CFAP410: variants seen among roughly 807,000 people sequenced by gnomAD.
CFAP410 encodes cilia- and flagella-associated protein 410.
In CFAP410, 27 loss-of-function variants were observed where a neutral mutation model predicts 25.7. The observed-to-expected ratio is 1.05, with a 90% confidence interval of 0.77 to 1.45. The LOEUF is 1.45. CFAP410 is among the 40% of genes most tolerant of loss of function. The probability of loss-of-function intolerance (pLI) is 0.00; values close to 1 mark genes in which losing one functional copy is unlikely to be tolerated. For missense variants in CFAP410, 428 were observed against 354.1 expected, an observed-to-expected ratio of 1.21 and a Z score of -1.67; for synonymous variants, 178 against 158.4, an observed-to-expected ratio of 1.12 and a Z score of -0.93.
chr21:44,335,999 C>T (rs1475596167), intron 2 of CFAP410, 195 bp from the exon 3 acceptor site: 1 of 513,836 alleles, frequency 1.9e-6, no homozygotes. Flanking sequence ...CCAGTGTGCC[C>T]AGGGTGAATG....
At chr21:44,332,703 A>G (rs1476265567) in intron 4 of CFAP410, 3 of 349,132 alleles carry the variant, frequency 8.6e-6, no homozygotes, top group East Asian at 9.3e-5. Flanking sequence ...CCCGCTCGCC[A>G]TGGCGCATGG....
At position 44,337,771 on chromosome 21, in the gene CFAP410, A is replaced by T. The variant is rs547426925; in HGVS notation, c.78-104T>A. ...CCGATGACTCCCTACAAACCTTAAG[A>T]TTCTAGGATTTTAATGGCATGGCAA... On this transcript the variant is annotated intron_variant, in intron 1 of 6. Coordinates refer to ENST00000339818, the MANE Select transcript of CFAP410 (RefSeq NM_004928.3). The T allele has an allele frequency of 5.4e-6, 5 of 917,884 alleles. No individual in the cohort carries two copies. The African/African-American group carries it at 8.4e-5, about 15-fold the overall frequency. 56.9% of individuals were successfully genotyped at this position (917,884 alleles called of 1,614,324 possible). A position where few individuals can be genotyped will look rare whatever the true frequency, so the allele number is the denominator to read the frequency against.
intron 1 of CFAP410, chr21:44,338,522 A>G: frequency 3.2e-6 from 1 of 310,242 alleles, no homozygotes; most frequent in Non-Finnish European, 6.6e-6. Flanking sequence ...CGCCCCCAGT[A>G]CTGATTACCA....
Position 44,333,274 on chromosome 21 carries a change from C to T in CFAP410, c.144-12G>A. 6.2e-7 allele frequency: 1 copy of T among 1,600,540 alleles called. No homozygotes were observed. Among genetic ancestry groups the T allele is most frequent in the Non-Finnish European group, 8.5e-7 (1 of 1,172,304 alleles). On this transcript the variant is annotated splice_polypyrimidine_tract_variant and intron_variant, in intron 3 of 6. Coordinates refer to ENST00000339818, the MANE Select transcript of CFAP410 (RefSeq NM_004928.3). Reference sequence around the variant, plus strand: ...AGATGCTGTTGACACTGCACGGAGACCAGCACAGTCAGCGAGGGACGTGGC... The same window carrying T: ...AGATGCTGTTGACACTGCACGGAGATCAGCACAGTCAGCGAGGGACGTGGC...
chr21:44,336,027 G>A (rs1334931579), intron 2 of CFAP410, among the ~76,000 whole-genome samples: 2 of 81,480 alleles, frequency 2.5e-5, no homozygotes, highest in African/African-American at 9.9e-5. Flanking sequence ...CCTGAGGGGA[G>A]CGGCCCTGCT....
chr21:44,330,232 A>C lies in CFAP410; in HGVS notation c.737T>G (p.Leu246Arg). Residue 246 changes from leucine to arginine, a missense_variant, in exon 7 of 7, where the codon CTG (leucine) becomes CGG (arginine). Physicochemically the swap from Leu to Arg is moderately radical, Grantham distance 102 (BLOSUM62 -2). Coordinates refer to ENST00000339818, the MANE Select transcript of CFAP410 (RefSeq NM_004928.3). ...QQTVGSRLQALRGEEVQEHAE is the reference protein window; with the variant it reads ...QQTVGSRLQARRGEEVQEHAE Reference sequence around the variant, plus strand: ...GTGCTCCTGCACCTCTTCCCCACGCAGGGCCTGCAGCCGGCTGCCCACAGT... The same window carrying C: ...GTGCTCCTGCACCTCTTCCCCACGCCGGGCCTGCAGCCGGCTGCCCACAGT... 1 of 1,588,070 alleles carries C rather than the reference A, an allele frequency of 6.3e-7. No homozygotes were observed. The highest frequency in any genetic ancestry group is 8.5e-7 in the Non-Finnish European group (1 of 1,169,836).
intron 4 of CFAP410, 112 bp downstream of exon 4, chr21:44,332,921 A>G (rs943025693): frequency 5.4e-6 from 4 of 740,612 alleles, no homozygotes; most frequent in South Asian, 1.7e-5. Context: ...GGACACATCT[A>G]TGTCCCGCCA....
chr21:44,329,856 C>T lies in CFAP410; in HGVS notation c.*342G>A. On this transcript the variant is annotated 3_prime_UTR_variant, in exon 7 of 7. Coordinates refer to ENST00000339818, the MANE Select transcript of CFAP410 (RefSeq NM_004928.3). ...CGGCCCTTGCTTTCAGGAAGACTGT[C>T]ACAACCATGCCTTGGGAAACGTCAC... 3.9e-6 allele frequency: 1 copy of T among 255,902 alleles called. No homozygotes were observed. The highest frequency in any genetic ancestry group is 7.5e-6 in the Non-Finnish European group (1 of 133,418). 15.9% of individuals were successfully genotyped at this position (255,902 alleles called of 1,614,324 possible).
Position 44,333,121 on chromosome 21 carries a change from G to C in CFAP410, c.285C>G (p.Ala95=). The C allele has an allele frequency of 3.1e-6, 5 of 1,611,194 alleles. No individual in the cohort carries two copies. The highest frequency in any genetic ancestry group is 4.2e-6 in the Non-Finnish European group (5 of 1,179,330). ...GLPRLRVLWL[A]ENPCCGTSPH... ...GGCTGGTGCCGCAGCACGGGTTCTC[G>C]GCCAGCCACAGCACCCGCAGACGCG... Residue 95 remains alanine, a synonymous_variant, in exon 4 of 7, where the codon GCC becomes GCG. Transcript: ENST00000339818.
Position 44,333,931 on chromosome 21 carries a change from G to C in CFAP410, c.144-669C>G, listed in dbSNP as rs375476483. 3.1e-5 allele frequency: 11 copies of C among 360,044 alleles called. No homozygotes were observed. The East Asian group carries it at 5.9e-4, about 19-fold the overall frequency. 22.3% of individuals were successfully genotyped at this position (360,044 alleles called of 1,614,324 possible). ...AGGGCTGCACTCGCGTCCGGCAGGC[G>C]CCTCAGAAGGGCGGTCACCAGGCCC... is the stretch of plus-strand genomic sequence containing the variant. On this transcript the variant is annotated intron_variant, in intron 3 of 6. Transcript: ENST00000339818.
At chr21:44,330,574 C>A (rs753272356) in intron 6 of CFAP410, 18 of 1,549,722 alleles carry the variant, frequency 1.2e-5, no homozygotes, top group Non-Finnish European at 1.6e-5. Context: ...GCCCACATTC[C>A]ACAGACCAGG....
intron 5 of CFAP410, 194 bp downstream of exon 5, chr21:44,331,649 A>G (rs938626484): frequency 3.4e-6 from 2 of 580,936 alleles, no homozygotes; most frequent in Admixed American, 7.4e-5. Context: ...CAAAACATGG[A>G]CCTGCCACTG....
In CFAP410 at chr21:44,334,520, C is replaced by CCCCCTCAACCTCTGGGCGGGCACGCGCA. The variant is rs1555883161; in HGVS notation, c.143+1237_143+1238insTGCGCGTGCCCGCCCAGAGGTTGAGGGG. 255 of 173,284 alleles carry CCCCCTCAACCTCTGGGCGGGCACGCGCA rather than the reference C, an allele frequency of 1.5e-3. 36 individuals are homozygous for CCCCCTCAACCTCTGGGCGGGCACGCGCA. The highest frequency in any genetic ancestry group is 6.2e-3 in the East Asian group (29 of 4,674). 10.7% of individuals were successfully genotyped at this position (173,284 alleles called of 1,614,324 possible). Reference sequence around the variant, plus strand: ...CAACCTCTGGGCGGGCACGCGCACCCCCCCCCCCCCCCCGCTCAACCTCTG... The same window carrying CCCCCTCAACCTCTGGGCGGGCACGCGCA: ...CAACCTCTGGGCGGGCACGCGCACCCCCCCTCAACCTCTGGGCGGGCACGCGCACCCCCCCCCCCCCGCTCAACCTCTG... On this transcript the variant is annotated intron_variant, in intron 3 of 6. Coordinates refer to ENST00000339818, the MANE Select transcript of CFAP410 (RefSeq NM_004928.3).
intron 2 of CFAP410, among the ~76,000 whole-genome samples, 153 bp downstream of exon 2, chr21:44,337,496 C>T (rs1287989497): frequency 2.0e-5 from 3 of 152,204 alleles, no homozygotes; most frequent in Non-Finnish European, 2.9e-5. Context: ...AGAATGAAAA[C>T]CGCTAAGTGA....
In CFAP410 at chr21:44,331,129, G is replaced by C. The variant is rs542277809; in HGVS notation, c.546-210C>G. On this transcript the variant is annotated intron_variant, in intron 5 of 6. Coordinates refer to ENST00000339818, the MANE Select transcript of CFAP410 (RefSeq NM_004928.3). ...AGAGCCCGGCACTTACTTCACCTGT[G>C]GGGCGCCCTCCCGGCACCCTGGGGC... The C allele has an allele frequency of 7.3e-5, 43 of 585,696 alleles. No homozygotes were observed. The South Asian group carries it at 8.6e-4, about 12-fold the overall frequency. 36.3% of individuals were successfully genotyped at this position (585,696 alleles called of 1,614,324 possible). A position where few individuals can be genotyped will look rare whatever the true frequency, so the allele number is the denominator to read the frequency against.
chr21:44,335,757 C>T lies in CFAP410; in HGVS notation c.143+1G>A. ...TGAGCATGACAGCAGGAGCGAGGTA[C>T]CTGAGCGTGATCACCTCCAGGCTGG... On this transcript the variant is annotated splice_donor_variant, in intron 3 of 6. Transcript: ENST00000339818. LOFTEE classifies it high-confidence loss of function. The T allele has an allele frequency of 6.3e-7, 1 of 1,587,862 alleles. No individual in the cohort carries two copies.
chr21:44,338,150 G>T, intron 1 of CFAP410: 1 of 615,060 alleles, frequency 1.6e-6, no homozygotes, highest in Non-Finnish European at 2.3e-6. Context: ...ATTATTGAAA[G>T]CAAATGACAC....
At chr21:44,333,990 C>T (rs944661757) in intron 3 of CFAP410, 9 of 409,148 alleles carry the variant, frequency 2.2e-5, no homozygotes, top group East Asian at 7.2e-5. Flanking sequence ...GCCCCCCTCC[C>T]CATGCCATCC....
chr21:44,330,811 C>T lies in CFAP410; in HGVS notation c.642+12G>A, dbSNP rs952089102. On this transcript the variant is annotated intron_variant, in intron 6 of 6. Transcript: ENST00000339818. Reference sequence around the variant, plus strand: ...CAGAGGCAGCCGCGGCCCCTAGCGGCCCGCCACTCACCCTGCCCCTGTGGC... The same window carrying T: ...CAGAGGCAGCCGCGGCCCCTAGCGGTCCGCCACTCACCCTGCCCCTGTGGC... 1.9e-6 allele frequency: 3 copies of T among 1,586,448 alleles called. No individual in the cohort carries two copies. Among genetic ancestry groups the T allele is most frequent in the East Asian group, 2.3e-5 (1 of 43,438 alleles).
Sources: gnomAD v4.1 joint callset for allele counts (sites outside exome capture counted in the v4.1 genomes callset) on GRCh38, gnomAD v4.1.1 for gene constraint, MANE v1.5 for transcripts, NCBI Gene and HGNC (gene_info 2026-07-23, HGNC 2026-07-21) for gene names.